Variants in MFSD11 observed in about 807,000 individuals in gnomAD.
MFSD11 encodes the protein UNC93-like protein MFSD11.
In MFSD11, 36 loss-of-function variants were observed where a neutral mutation model predicts 53.5. The observed-to-expected ratio is 0.67, with a 90% CI of 0.52 to 0.89. The LOEUF (loss-of-function observed/expected upper bound fraction) is 0.89, where lower values mean the gene tolerates loss of function less well. Ranked by LOEUF, MFSD11 falls within the 40% of genes least tolerant of loss-of-function variation. MFSD11 has a pLI of 0.00. For missense variants in MFSD11, 530 were observed against 543.9 expected (o/e 0.97, Z 0.25); for synonymous variants, 186 against 184.9 (o/e 1.01, Z -0.05).
At chr17:76,774,240 T>C (rs902975933) in intron 10 of MFSD11, among the ~76,000 whole-genome samples, 1 of 152,080 alleles carries the variant, frequency 6.6e-6, no homozygotes, top group Admixed American at 6.6e-5. Context: ...TTTTAAAAAA[T>C]ATATATACAA....
At chr17:76,757,875 G>A (rs2079808824) in intron 8 of MFSD11, among the ~76,000 whole-genome samples, 1 of 152,114 alleles carries the variant, frequency 6.6e-6, no homozygotes, top group South Asian at 2.1e-4. Context: ...GCCAGGCATG[G>A]TGGTGGGTGC....
At chr17:76,789,706 CCTAA>C in the MFSD11 span, among the ~76,000 whole-genome samples, 2 of 149,958 alleles carry the variant, frequency 1.3e-5, no homozygotes, top group African/African-American at 4.9e-5. Context: ...CTCAGTTCTG[CCTAA>C]CTGCCTACTC....
chr17:76,802,918 A>G, the MFSD11 span, among the ~76,000 whole-genome samples: 1 of 152,130 alleles, frequency 6.6e-6, no homozygotes, highest in South Asian at 2.1e-4. Flanking sequence ...CCTTAAGATT[A>G]AGGTGTTATA....
chr17:76,794,730 T>C, the MFSD11 span, among the ~76,000 whole-genome samples: 1 of 128,720 alleles, frequency 7.8e-6, no homozygotes, highest in Non-Finnish European at 1.6e-5. Context: ...TGTCACTCTG[T>C]CACTCAGGCT....
At chr17:76,737,251 T>C (rs780469516), upstream of MFSD11, 12 of 1,446,178 alleles carry the variant, frequency 8.3e-6, no homozygotes, top group Non-Finnish European at 1.1e-5. Flanking sequence ...GCAGTTGCCT[T>C]CCGCGTGGGG....
chr17:76,741,662 C>G (rs1224376371), intron 3 of MFSD11, among the ~76,000 whole-genome samples: 1 of 152,126 alleles, frequency 6.6e-6, no homozygotes. Flanking sequence ...GTGGCACATG[C>G]CTGTAGTCCC....
intron 8 of MFSD11, among the ~76,000 whole-genome samples, chr17:76,757,235 A>G (rs975450564): frequency 1.3e-5 from 2 of 152,194 alleles, no homozygotes; most frequent in Non-Finnish European, 2.9e-5. Context: ...GCACTGACAC[A>G]TTTTGGGCCA....
chr17:76,794,108 T>C, the MFSD11 span, among the ~76,000 whole-genome samples: 1 of 151,390 alleles, frequency 6.6e-6, no homozygotes, highest in African/African-American at 2.5e-5. Flanking sequence ...GATAATAAAA[T>C]TGTGTTGCCT....
chr17:76,737,461 C>T, upstream of MFSD11: 1 of 374,192 alleles, frequency 2.7e-6, no homozygotes. Flanking sequence ...CGCGCCCCGC[C>T]CCTACCCGAA....
the MFSD11 span, among the ~76,000 whole-genome samples, chr17:76,796,674 A>G: frequency 6.6e-6 from 1 of 152,112 alleles, no homozygotes; most frequent in Non-Finnish European, 1.5e-5. Context: ...TGGATTTCAC[A>G]CAAGAAAGAA....
At chr17:76,792,186 T>C in the MFSD11 span, among the ~76,000 whole-genome samples, 14 of 149,462 alleles carry the variant, frequency 9.4e-5, no homozygotes, top group South Asian at 2.8e-3. Flanking sequence ...TGGCACTATC[T>C]TGGCTCACTG....
At chr17:76,768,814 G>A (rs55837357) in intron 9 of MFSD11, among the ~76,000 whole-genome samples, 4,825 of 151,842 alleles carry the variant, frequency 0.032, 265 homozygotes, top group African/African-American at 0.11. Flanking sequence ...GTGAAACCCC[G>A]TCTCTACTAA....
the MFSD11 span, among the ~76,000 whole-genome samples, chr17:76,794,677 CTCTT>C: frequency 5.5e-4 from 53 of 96,580 alleles, 2 homozygotes; most frequent in Admixed American, 1.8e-3. Context: ...AGAAGATGTA[CTCTT>C]TTTTTTTTTT....
intron 8 of MFSD11, among the ~76,000 whole-genome samples, chr17:76,755,189 C>G (rs915166291): frequency 6.6e-6 from 1 of 151,870 alleles, no homozygotes; most frequent in Non-Finnish European, 1.5e-5. Context: ...TGCACTCCAG[C>G]CTGGGCAGCT....
At chr17:76,752,059 T>G (rs1176498225) in intron 7 of MFSD11, among the ~76,000 whole-genome samples, 1 of 152,216 alleles carries the variant, frequency 6.6e-6, no homozygotes, top group Non-Finnish European at 1.5e-5. Flanking sequence ...TCCAAAGGAA[T>G]CATAGAAGGA....
At chr17:76,737,199 C>T (rs551323754), upstream of MFSD11, 25 of 1,508,512 alleles carry the variant, frequency 1.7e-5, no homozygotes, top group South Asian at 2.1e-4. Flanking sequence ...GAACTGGCGC[C>T]GGCTTCCTCA....
intron 3 of MFSD11, 86 bp from the exon 4 acceptor site, chr17:76,741,883 A>C (rs2078116025): frequency 6.3e-7 from 1 of 1,584,432 alleles, no homozygotes; most frequent in South Asian, 1.2e-5. Flanking sequence ...AAAGAAGAGA[A>C]TGTCAGAACT....
At position 76,738,939 on chromosome 17, in the gene MFSD11, A is replaced by G; in HGVS notation, c.98A>G (p.Gln33Arg). Residue 33 changes from glutamine to arginine, a missense_variant and splice_region_variant, in exon 2 of 13, where the codon CAA (glutamine) becomes CGA (arginine). Gln to Arg is a conservative substitution (Grantham distance 43). Transcript: ENST00000685175. The stretch of plus-strand genomic sequence containing the variant: ...TGATTAGTTTTATCTTCCACACAGC[A>G]AACTGTCATCAGGAGCTTAAATAGG... ...TAFQTCGNVA[Q>R]TVIRSLNRTD... 1 of 1,613,958 alleles carries G rather than the reference A, an allele frequency of 6.2e-7. No homozygotes were observed. Among genetic ancestry groups the G allele is most frequent in the Non-Finnish European group, 8.5e-7 (1 of 1,179,794 alleles).
chr17:76,752,634 G>A (rs1186570509), intron 7 of MFSD11, among the ~76,000 whole-genome samples: 1 of 152,166 alleles, frequency 6.6e-6, no homozygotes, highest in Non-Finnish European at 1.5e-5. Context: ...ACCCTCAAGT[G>A]ATCAGCCTGC....
Sources: gnomAD v4.1 joint callset for allele counts (sites outside exome capture counted in the v4.1 genomes callset) on GRCh38, gnomAD v4.1.1 for gene constraint, MANE v1.5 for transcripts, NCBI Gene and HGNC (gene_info 2026-07-23, HGNC 2026-07-21) for gene names.